The following XDH variants were observed in gnomAD, a reference collection of about 807,000 sequenced individuals.
XDH encodes the protein xanthine dehydrogenase/oxidase.
In XDH, 138 loss-of-function variants were observed where a neutral mutation model predicts 156.1. That is an observed-to-expected ratio of 0.88 (90% CI 0.77 to 1.02). The LOEUF (loss-of-function observed/expected upper bound fraction) is 1.02. Among genes scored for constraint, XDH ranks in the 50% least tolerant of loss-of-function variants. The pLI is 0.00. For missense variants in XDH, 1,849 were observed against 1,684.9 expected (o/e 1.10, Z -1.71); for synonymous variants, 669 against 625.7 (o/e 1.07, Z -1.03).
intron 9 of XDH, 78 bp from the exon 10 acceptor site, chr2:31,383,925 T>A (rs1686511562): frequency 8.1e-7 from 1 of 1,237,890 alleles, no homozygotes; most frequent in Admixed American, 1.9e-5. Flanking sequence ...TTTCTCACCA[T>A]TACACACAGG....
chr2:31,413,265 A>G (rs1687390275), intron 1 of XDH, among the ~76,000 whole-genome samples: 1 of 152,242 alleles, frequency 6.6e-6, no homozygotes, highest in African/African-American at 2.4e-5. Context: ...CCAATTGCAC[A>G]ATGGTTTCCT....
intron 31 of XDH, among the ~76,000 whole-genome samples, chr2:31,343,613 T>C (rs1685201941): frequency 6.9e-6 from 1 of 145,928 alleles, no homozygotes; most frequent in East Asian, 2.1e-4. Flanking sequence ...ATATGTATGT[T>C]CATATATATG....
In XDH at chr2:31,368,573, A is replaced by G; in HGVS notation, c.2068T>C (p.Tyr690His). 6.2e-7 allele frequency: 1 copy of G among 1,614,184 alleles called. No individual in the cohort carries two copies. Among genetic ancestry groups the G allele is most frequent in the Non-Finnish European group, 8.5e-7 (1 of 1,180,020 alleles). ...GTGATAATGGCTGGTAGTTCTTCATAGGTGATTTTCACCCCTTGGGCAGCT... is the reference window on the plus strand; with the variant it reads ...GTGATAATGGCTGGTAGTTCTTCATGGGTGATTTTCACCCCTTGGGCAGCT... ...QRAAQGVKIT[Y>H]EELPAIITIE... Residue 690 changes from tyrosine (Y) to histidine (H), a missense_variant, in exon 19 of 36, where the codon TAT becomes CAT. Transcript: ENST00000379416.
At chr2:31,363,024 T>C (rs1315205203) in intron 24 of XDH, among the ~76,000 whole-genome samples, 2 of 152,156 alleles carry the variant, frequency 1.3e-5, no homozygotes, top group African/African-American at 2.4e-5. Flanking sequence ...TGCTATAATA[T>C]AGATGGGCCG....
At chr2:31,398,998 TCAGC>T (rs1686987722) in intron 4 of XDH, among the ~76,000 whole-genome samples, 1 of 152,244 alleles carries the variant, frequency 6.6e-6, no homozygotes, top group African/African-American at 2.4e-5. Context: ...TAGCAGGCAG[TCAGC>T]CAGTGTTAGC....
At chr2:31,353,741 C>G (rs1685551655) in intron 24 of XDH, among the ~76,000 whole-genome samples, 1 of 152,116 alleles carries the variant, frequency 6.6e-6, no homozygotes, top group Non-Finnish European at 1.5e-5. Context: ...AATAAGTACC[C>G]CAGCCAAACA....
chr2:31,344,916 T>A (rs1685240662), intron 30 of XDH, among the ~76,000 whole-genome samples, 180 bp from the exon 31 acceptor site: 1 of 152,220 alleles, frequency 6.6e-6, no homozygotes, highest in Admixed American at 6.5e-5. Flanking sequence ...GTCCTCATTA[T>A]CTGAAGCCTG....
chr2:31,350,631 C>G (rs1427186680), intron 24 of XDH, among the ~76,000 whole-genome samples: 13 of 152,114 alleles, frequency 8.5e-5, no homozygotes, highest in African/African-American at 3.1e-4. Context: ...GCCTTGGCCT[C>G]CCAAAGTGCT....
intron 24 of XDH, among the ~76,000 whole-genome samples, chr2:31,363,433 A>G (rs1208219567): frequency 6.6e-6 from 1 of 152,272 alleles, no homozygotes; most frequent in Non-Finnish European, 1.5e-5. Context: ...CAAGACGGAA[A>G]GTAGATTAAT....
chr2:31,365,567 G>C (rs1320959170), intron 22 of XDH, 23 bp from the exon 23 acceptor site: 2 of 1,613,758 alleles, frequency 1.2e-6, no homozygotes, highest in African/African-American at 1.3e-5. Context: ...GACAGTGTTA[G>C]AAGCCTGTGA....
intron 1 of XDH, among the ~76,000 whole-genome samples, chr2:31,408,778 T>C (rs1687261181): frequency 6.6e-6 from 1 of 152,194 alleles, no homozygotes; most frequent in African/African-American, 2.4e-5. Flanking sequence ...GCAATCCCAC[T>C]GCTGGGTATA....
chr2:31,343,285 C>CATATAT (rs60481824), intron 31 of XDH, among the ~76,000 whole-genome samples: 24 of 68,342 alleles, frequency 3.5e-4, no homozygotes, highest in South Asian at 6.5e-4. Flanking sequence ...ATTTCTTCAC[C>CATATAT]ATATATATAT....
intron 29 of XDH, 122 bp from the exon 30 acceptor site, chr2:31,346,965 A>C: frequency 3.1e-6 from 4 of 1,274,378 alleles, no homozygotes; most frequent in Non-Finnish European, 4.5e-6. Flanking sequence ...TGCCACTCAA[A>C]CAGCCTGGCC....
At chr2:31,410,263 G>T (rs1235344605) in intron 1 of XDH, among the ~76,000 whole-genome samples, 1 of 152,166 alleles carries the variant, frequency 6.6e-6, no homozygotes, top group Non-Finnish European at 1.5e-5. Context: ...TATAGAGTTT[G>T]TCTTAAAAGA....
chr2:31,368,711 C>T (rs778352076), intron 18 of XDH, 51 bp from the exon 19 acceptor site: 2 of 1,614,100 alleles, frequency 1.2e-6, no homozygotes, highest in South Asian at 2.2e-5. Flanking sequence ...CATGGTGAAA[C>T]AAATTATTTT....
At chr2:31,406,956 G>A (rs1302495245) in intron 1 of XDH, among the ~76,000 whole-genome samples, 1 of 152,204 alleles carries the variant, frequency 6.6e-6, no homozygotes, top group African/African-American at 2.4e-5. Context: ...GGTCTAGAAA[G>A]TGCGATGTCA....
At chr2:31,414,483 G>T in intron 1 of XDH, 142 bp downstream of exon 1, 1 of 1,246,322 alleles carries the variant, frequency 8.0e-7, no homozygotes, top group Non-Finnish European at 1.2e-6. Context: ...AAAATGCAGC[G>T]ACACCTTTAA....
At chr2:31,400,141 C>A (rs1031982379) in intron 4 of XDH, among the ~76,000 whole-genome samples, 9 of 152,100 alleles carry the variant, frequency 5.9e-5, no homozygotes, top group Non-Finnish European at 1.3e-4. Flanking sequence ...ATAGTACCAG[C>A]CTCTCCGCAG....
At chr2:31,397,994 T>C (rs764683090) in intron 5 of XDH, among the ~76,000 whole-genome samples, 1 of 152,208 alleles carries the variant, frequency 6.6e-6, no homozygotes, top group Non-Finnish European at 1.5e-5. Flanking sequence ...CAGTGGCTGA[T>C]CACAGCTTCA....
Sources: allele counts gnomAD v4.1 joint callset (sites outside exome capture counted in the v4.1 genomes callset), GRCh38; gene constraint gnomAD v4.1.1; transcripts MANE v1.5; gene names NCBI Gene and HGNC (gene_info 2026-07-23, HGNC 2026-07-21).